Variants in NSMAF observed in about 807,000 individuals in gnomAD.
NSMAF encodes neutral sphingomyelinase activation associated factor, also known as protein FAN.
In NSMAF, 90 loss-of-function variants were observed where a neutral mutation model predicts 134.9. The ratio of observed to expected loss-of-function variants is 0.67; its 90% CI spans 0.56 to 0.79. The LOEUF is 0.79. Ranked by LOEUF, NSMAF falls within the 30% of genes least tolerant of loss-of-function variation. The probability of loss-of-function intolerance (pLI) is 0.00; values close to 1 mark genes in which losing one functional copy is unlikely to be tolerated. For synonymous variants in NSMAF, 358 were observed against 389.6 expected, an observed-to-expected ratio of 0.92 and a Z score of 0.96; for missense variants, 1,010 against 1,119.0, an observed-to-expected ratio of 0.90 and a Z score of 1.39.
intron 9 of NSMAF, among the ~76,000 whole-genome samples, chr8:58,616,987 A>G (rs1806670982): frequency 1.3e-5 from 2 of 152,206 alleles, no homozygotes; most frequent in African/African-American, 4.8e-5. Flanking sequence ...ATCTAGGAAT[A>G]TGTCCAACAA....
intron 11 of NSMAF, among the ~76,000 whole-genome samples, chr8:58,607,419 C>A (rs1806433389): frequency 6.6e-6 from 1 of 152,198 alleles, no homozygotes; most frequent in Non-Finnish European, 1.5e-5. Context: ...TGAGACCTAG[C>A]TGCTATGAAT....
At chr8:58,635,116 CAAGT>C in intron 5 of NSMAF, 69 bp downstream of exon 5, 1 of 1,113,144 alleles carries the variant, frequency 9.0e-7, no homozygotes, top group Admixed American at 1.9e-5. Flanking sequence ...GATATCTCTA[CAAGT>C]AATTTCATTC....
At chr8:58,596,332 G>A (rs1166048938) in intron 21 of NSMAF, among the ~76,000 whole-genome samples, 1 of 152,174 alleles carries the variant, frequency 6.6e-6, no homozygotes, top group Non-Finnish European at 1.5e-5. Flanking sequence ...TAAAATGTCT[G>A]GATGTCCTTG....
At chr8:58,607,927 T>A in intron 10 of NSMAF, 87 bp from the exon 11 acceptor site, 1 of 1,064,928 alleles carries the variant, frequency 9.4e-7, no homozygotes, top group South Asian at 1.3e-5. Context: ...GAAAAAAAAA[T>A]CACCAAATCT....
chr8:58,644,492 T>C (rs1371077853), intron 1 of NSMAF, among the ~76,000 whole-genome samples: 4 of 152,088 alleles, frequency 2.6e-5, no homozygotes, highest in Non-Finnish European at 5.9e-5. Context: ...TGTGGAGAAA[T>C]AGGAATGCTT....
chr8:58,621,684 T>C (rs2129144112), intron 9 of NSMAF, among the ~76,000 whole-genome samples: 1 of 152,352 alleles, frequency 6.6e-6, no homozygotes, highest in East Asian at 1.9e-4. Flanking sequence ...TTCTAACTGG[T>C]ATAAGATGGT....
intron 9 of NSMAF, among the ~76,000 whole-genome samples, chr8:58,619,914 T>C (rs1370026558): frequency 6.6e-6 from 1 of 151,822 alleles, no homozygotes; most frequent in South Asian, 2.1e-4. Context: ...AAGACATAAG[T>C]GAAAAAGGAA....
Position 58,592,463 on chromosome 8 carries a change from T to A in NSMAF, c.1952-1529A>T, listed in dbSNP as rs1806039930. 2.6e-5 allele frequency among the ~76,000 whole-genome samples: 4 copies of A among 152,308 alleles called. No homozygotes were observed. The South Asian group carries it at 8.3e-4, about 32-fold the overall frequency. On this transcript the variant is annotated intron_variant, in intron 23 of 30. Coordinates refer to ENST00000038176, the MANE Select transcript of NSMAF (RefSeq NM_003580.4). ...CTGTGCCTGCCCACATACCTAAACA[T>A]ACTGTATACTAGAAGAAGATATGTA...
intron 12 of NSMAF, among the ~76,000 whole-genome samples, chr8:58,605,161 ATAAG>A (rs1260858998): frequency 1.3e-5 from 2 of 152,208 alleles, no homozygotes; most frequent in Non-Finnish European, 2.9e-5. Context: ...ACATCATAAT[ATAAG>A]TATTTTCTCT....
At chr8:58,603,616 T>G (rs985653214) in intron 12 of NSMAF, among the ~76,000 whole-genome samples, 1 of 152,134 alleles carries the variant, frequency 6.6e-6, no homozygotes, top group Non-Finnish European at 1.5e-5. Context: ...TACACTACCC[T>G]CCACAATATG....
intron 23 of NSMAF, 91 bp downstream of exon 23, chr8:58,594,141 G>C: frequency 9.7e-7 from 1 of 1,034,234 alleles, no homozygotes; most frequent in Admixed American, 1.8e-5. Flanking sequence ...GGCAGCACAT[G>C]CAAGTGCAGT....
At chr8:58,602,213 C>A in intron 13 of NSMAF, 76 bp from the exon 14 acceptor site, 1 of 1,123,276 alleles carries the variant, frequency 8.9e-7, no homozygotes, top group Non-Finnish European at 1.3e-6. Flanking sequence ...CAAATATACA[C>A]ATTTACTTCC....
chr8:58,620,809 G>T (rs1806773208), intron 9 of NSMAF, among the ~76,000 whole-genome samples: 2 of 152,174 alleles, frequency 1.3e-5, no homozygotes, highest in African/African-American at 4.8e-5. Context: ...AGACCGAGGA[G>T]AGCTAATGGG....
At chr8:58,648,460 A>G (rs111348885) in intron 1 of NSMAF, among the ~76,000 whole-genome samples, 1 of 152,338 alleles carries the variant, frequency 6.6e-6, no homozygotes, top group Non-Finnish European at 1.5e-5. Context: ...GAATAATTGC[A>G]TGCTAGAGAG....
chr8:58,621,380 C>A (rs936445666), intron 9 of NSMAF, among the ~76,000 whole-genome samples: 2 of 152,074 alleles, frequency 1.3e-5, no homozygotes, highest in Non-Finnish European at 2.9e-5. Context: ...GATTCTATGT[C>A]TTTGCTATTA....
intron 11 of NSMAF, among the ~76,000 whole-genome samples, 172 bp from the exon 12 acceptor site, chr8:58,606,207 C>T (rs1192417639): frequency 3.3e-5 from 5 of 151,820 alleles, no homozygotes; most frequent in Admixed American, 2.0e-4. Context: ...TACACATATA[C>T]GTTTGCGTAT....
intron 12 of NSMAF, 115 bp downstream of exon 12, chr8:58,605,812 G>A (rs537954296): frequency 8.5e-5 from 96 of 1,125,250 alleles, no homozygotes; most frequent in Admixed American, 3.3e-4. Flanking sequence ...CCCAGGAGGC[G>A]GAGGTTGCAG....
chr8:58,600,765 G>A (rs1806261698), intron 16 of NSMAF, among the ~76,000 whole-genome samples: 1 of 112,404 alleles, frequency 8.9e-6, no homozygotes, highest in South Asian at 3.4e-4. Flanking sequence ...ATCTCAGTGT[G>A]GTGGGATACC....
At chr8:58,622,132 A>C (rs1806800401) in intron 9 of NSMAF, among the ~76,000 whole-genome samples, 1 of 152,156 alleles carries the variant, frequency 6.6e-6, no homozygotes, top group Admixed American at 6.5e-5. Context: ...ATCCATCTTG[A>C]GTTAATTTTT....
Sources: gnomAD v4.1 joint callset for allele counts (sites outside exome capture counted in the v4.1 genomes callset) on GRCh38, gnomAD v4.1.1 for gene constraint, MANE v1.5 for transcripts, NCBI Gene and HGNC (gene_info 2026-07-23, HGNC 2026-07-21) for gene names.